IL1RAPL2: variants seen among roughly 807,000 people sequenced by gnomAD.
IL1RAPL2 encodes the protein X-linked interleukin-1 receptor accessory protein-like 2.
Under a neutral mutation model 44.1 loss-of-function variants are expected in IL1RAPL2, and 3 were observed. The ratio of observed to expected loss-of-function variants is 0.07; its 90% CI spans 0.03 to 0.18. The LOEUF (loss-of-function observed/expected upper bound fraction) is 0.18, where lower values mean the gene tolerates loss of function less well. Among genes scored for constraint, IL1RAPL2 ranks in the 10% least tolerant of loss-of-function variants. IL1RAPL2 has a pLI of 1.00. For synonymous variants in IL1RAPL2, 181 were observed against 178.8 expected, an observed-to-expected ratio of 1.01 and a Z score of -0.10; for missense variants, 391 against 496.4, an observed-to-expected ratio of 0.79 and a Z score of 2.02.
chrX:105,512,791 T>A (rs2036479905), intron 6 of IL1RAPL2, among the ~76,000 whole-genome samples: 1 of 111,570 alleles, frequency 9.0e-6, no homozygotes. Context: ...TTTTATACTT[T>A]AAGTTCTGGG....
intron 6 of IL1RAPL2, among the ~76,000 whole-genome samples, chrX:105,488,105 T>C (rs1030999167): frequency 3.6e-5 from 4 of 112,058 alleles, no homozygotes; most frequent in Non-Finnish European, 7.5e-5. Context: ...TCATGGTAGA[T>C]TAAAGGTGGC....
At chrX:104,585,230 GTA>G (rs1320021293) in intron 1 of IL1RAPL2, among the ~76,000 whole-genome samples, 6 of 41,138 alleles carry the variant, frequency 1.5e-4, no homozygotes, top group South Asian at 9.8e-4. Flanking sequence ...GTATATATGT[GTA>G]TATATATAAT....
intron 2 of IL1RAPL2, among the ~76,000 whole-genome samples, chrX:104,934,524 T>A (rs1319738937): frequency 2.7e-5 from 3 of 110,892 alleles, no homozygotes; most frequent in Non-Finnish European, 5.7e-5. Flanking sequence ...AAAAATCATC[T>A]CAGAAAGCAG....
intron 5 of IL1RAPL2, among the ~76,000 whole-genome samples, chrX:105,334,415 A>G (rs1674121886): frequency 1.0e-5 from 1 of 99,975 alleles, no homozygotes; most frequent in South Asian, 4.4e-4. Flanking sequence ...CAAAAATAAT[A>G]TAGTTATAAG....
chrX:104,984,490 C>A (rs1034039209), intron 2 of IL1RAPL2, among the ~76,000 whole-genome samples: 5 of 111,427 alleles, frequency 4.5e-5, no homozygotes, highest in Middle Eastern at 4.6e-3. Flanking sequence ...TGGAAATAAG[C>A]GCTCCATTGT....
chrX:104,755,733 CT>C (rs1318557684), intron 2 of IL1RAPL2, among the ~76,000 whole-genome samples: 2 of 110,367 alleles, frequency 1.8e-5, no homozygotes, highest in African/African-American at 6.6e-5. Context: ...ATTGGTCCCC[CT>C]AAGTCCCCCC....
chrX:105,252,406 T>A (rs2034277687), intron 4 of IL1RAPL2, among the ~76,000 whole-genome samples: 1 of 111,882 alleles, frequency 8.9e-6, no homozygotes. Context: ...GACGTTATAT[T>A]TTCTTGCTTT....
At chrX:105,633,603 G>A (rs1394707271) in intron 6 of IL1RAPL2, among the ~76,000 whole-genome samples, 2 of 111,639 alleles carry the variant, frequency 1.8e-5, no homozygotes, top group Non-Finnish European at 3.8e-5. Context: ...TGACCTATGC[G>A]ATGTGGACTT....
intron 6 of IL1RAPL2, among the ~76,000 whole-genome samples, chrX:105,679,322 A>AT (rs767846333): frequency 8.9e-5 from 10 of 112,268 alleles, no homozygotes; most frequent in East Asian, 5.6e-4. Flanking sequence ...CAGGAATTAA[A>AT]TATCTTGTTA....
intron 2 of IL1RAPL2, among the ~76,000 whole-genome samples, chrX:104,987,765 C>T (rs2030588403): frequency 9.0e-6 from 1 of 111,025 alleles, no homozygotes. Flanking sequence ...CAGCCTTTAG[C>T]TGCTTTGTGA....
At chrX:105,722,552 T>A (rs1040951189) in intron 7 of IL1RAPL2, among the ~76,000 whole-genome samples, 1 of 111,499 alleles carries the variant, frequency 9.0e-6, no homozygotes, top group Non-Finnish European at 1.9e-5. Flanking sequence ...CAAGAGAAGA[T>A]TCACATTTTT....
At chrX:105,135,745 G>C (rs962648736) in intron 2 of IL1RAPL2, among the ~76,000 whole-genome samples, 2 of 111,866 alleles carry the variant, frequency 1.8e-5, no homozygotes, top group African/African-American at 6.5e-5. Context: ...TCATAAGGAA[G>C]TTTGAGAAAT....
chrX:105,115,738 G>A lies in IL1RAPL2; in HGVS notation c.83-79737G>A, dbSNP rs762885087. On this transcript the variant is annotated intron_variant, in intron 2 of 10. Coordinates refer to ENST00000372582, the MANE Select transcript of IL1RAPL2 (RefSeq NM_017416.2). The stretch of plus-strand genomic sequence containing the variant: ...AGGTGGAGCCGCCTGCCAGTTATGC[G>A]CCTTGCGCCTGCACTCCTCAGCCCT... 9.7e-4 allele frequency among the ~76,000 whole-genome samples: 110 copies of A among 113,053 alleles called. 1 individual carries two copies. The highest frequency in any genetic ancestry group is 8.5e-3 in the Admixed American group (92 of 10,813).
chrX:105,371,058 T>C (rs1464300960), intron 5 of IL1RAPL2, among the ~76,000 whole-genome samples: 1 of 112,551 alleles, frequency 8.9e-6, no homozygotes, highest in Non-Finnish European at 1.9e-5. Context: ...TGTCTGTTCA[T>C]GTCTTTTGCC....
intron 2 of IL1RAPL2, among the ~76,000 whole-genome samples, chrX:104,811,251 G>A (rs1046661753): frequency 9.0e-6 from 1 of 111,506 alleles, no homozygotes; most frequent in Non-Finnish European, 1.9e-5. Context: ...TCAGGAAAGA[G>A]GGGATGATCA....
At chrX:104,908,485 T>G (rs1395209055) in intron 2 of IL1RAPL2, among the ~76,000 whole-genome samples, 12 of 111,325 alleles carry the variant, frequency 1.1e-4, no homozygotes, top group African/African-American at 3.3e-4. Flanking sequence ...AGGAGCTCTT[T>G]TAGGGCAGGC....
chrX:104,649,108 T>C (rs1315236487), intron 1 of IL1RAPL2, among the ~76,000 whole-genome samples: 1 of 111,054 alleles, frequency 9.0e-6, no homozygotes, highest in African/African-American at 3.3e-5. Context: ...ACGATTTTTT[T>C]CCCTCCCTTT....
At chrX:104,896,309 A>G (rs773973541) in intron 2 of IL1RAPL2, among the ~76,000 whole-genome samples, 81 of 111,852 alleles carry the variant, frequency 7.2e-4, no homozygotes, top group African/African-American at 2.4e-3. Flanking sequence ...AATGAGCTCA[A>G]CTAACAACTT....
At chrX:105,035,762 A>G (rs1057210994) in intron 2 of IL1RAPL2, among the ~76,000 whole-genome samples, 8 of 112,524 alleles carry the variant, frequency 7.1e-5, no homozygotes, top group Non-Finnish European at 1.3e-4. Context: ...CTCCAATTAC[A>G]TTTAAAGCAT....
Sources: allele counts gnomAD v4.1 joint callset (sites outside exome capture counted in the v4.1 genomes callset), GRCh38; gene constraint gnomAD v4.1.1; transcripts MANE v1.5; gene names NCBI Gene and HGNC (gene_info 2026-07-23, HGNC 2026-07-21).